Variants in NFS1 observed in about 807,000 individuals in gnomAD.
NFS1 encodes the protein NFS1 cysteine desulfurase, also known as cysteine desulfurase.
In NFS1, 26 loss-of-function variants were observed where a neutral mutation model predicts 57.3. The observed-to-expected ratio is 0.45, with a 90% CI of 0.33 to 0.63. The LOEUF is 0.63. Ranked by LOEUF, NFS1 falls within the 20% of genes least tolerant of loss-of-function variation. The pLI is 0.02. For synonymous variants in NFS1, 209 were observed against 216.3 expected (o/e 0.97, Z 0.30); for missense variants, 505 against 605.8 (o/e 0.83, Z 1.75).
chr20:35,673,786 C>A (rs2034696032), intron 10 of NFS1, 102 bp from the exon 11 acceptor site: 1 of 849,248 alleles, frequency 1.2e-6, no homozygotes, highest in Non-Finnish European at 1.9e-6. Context: ...TGGAGTCATA[C>A]CCTGGAGAAA....
At chr20:35,695,182 GA>G (rs769134461) in intron 4 of NFS1, among the ~76,000 whole-genome samples, 2 of 152,168 alleles carry the variant, frequency 1.3e-5, no homozygotes, top group Non-Finnish European at 2.9e-5. Context: ...CTCCATTTCA[GA>G]AACCATCTCC....
Position 35,698,609 on chromosome 20 carries a change from G to T in NFS1, c.98-19C>A. ...TCTCCAACTGATAAAAAATGGAACG[G>T]AGTAGCCAAGTAAGACCGAAGGCAA... On this transcript the variant is annotated intron_variant, in intron 1 of 12. Coordinates refer to ENST00000374092, the MANE Select transcript of NFS1 (RefSeq NM_021100.5). 6.3e-7 allele frequency: 1 copy of T among 1,582,062 alleles called. No individual in the cohort carries two copies. The highest frequency in any genetic ancestry group is 8.6e-7 in the Non-Finnish European group (1 of 1,167,132).
At chr20:35,694,544 T>A (rs1400258323) in intron 4 of NFS1, 1 of 152,220 alleles carries the variant, frequency 6.6e-6, no homozygotes, top group Non-Finnish European at 1.5e-5. Context: ...GGTCTGTTCA[T>A]GAGGACAAAG....
chr20:35,693,981 A>T (rs763347140), intron 4 of NFS1, among the ~76,000 whole-genome samples: 3 of 151,996 alleles, frequency 2.0e-5, no homozygotes, highest in Non-Finnish European at 4.4e-5. Flanking sequence ...TAAATAAATA[A>T]ATTAAAATAA....
At chr20:35,696,083 C>T (rs928356532) in intron 4 of NFS1, among the ~76,000 whole-genome samples, 1 of 151,856 alleles carries the variant, frequency 6.6e-6, no homozygotes, top group Admixed American at 6.6e-5. Context: ...CACCATTATC[C>T]ACTCTCTGAA....
intron 11 of NFS1, 51 bp downstream of exon 11, chr20:35,673,550 G>T: frequency 6.6e-7 from 1 of 1,505,810 alleles, no homozygotes; most frequent in South Asian, 1.2e-5. Flanking sequence ...AACAGGAGAT[G>T]AAAAATATAA....
Position 35,675,176 on chromosome 20 carries a change from G to A in NFS1, c.817C>T (p.Arg273Trp), listed in dbSNP as rs200454792. The A allele has an allele frequency of 1.2e-5, 19 of 1,613,432 alleles. No homozygotes were observed. The highest frequency in any genetic ancestry group is 1.7e-4 in the Middle Eastern group (1 of 6,060). Reference protein sequence around the residue: ...KGVGAIYIRRRPRVRVEALQS... With the variant: ...KGVGAIYIRRWPRVRVEALQS... The stretch of plus-strand genomic sequence containing the variant: ...AGGGCCTCCACACGCACACGGGGCC[G>A]GCGACGGATGTAGATGGCACCAACC... Residue 273 changes from arginine (R) to tryptophan (W), a missense_variant, in exon 8 of 13, where the codon CGG becomes TGG. Arg to Trp is a moderately radical substitution (Grantham distance 101). Coordinates refer to ENST00000374092, the MANE Select transcript of NFS1 (RefSeq NM_021100.5).
chr20:35,676,323 C>A (rs2034742770), intron 7 of NFS1: 1 of 151,944 alleles, frequency 6.6e-6, no homozygotes, highest in Admixed American at 6.6e-5. Flanking sequence ...CACGGTGGCT[C>A]ACACCTGTAA....
intron 4 of NFS1, among the ~76,000 whole-genome samples, chr20:35,690,998 G>C (rs2035031585): frequency 6.6e-6 from 1 of 152,292 alleles, no homozygotes; most frequent in African/African-American, 2.4e-5. Flanking sequence ...GTCATCAATT[G>C]CAACAAATGT....
chr20:35,692,527 T>TAAAAAAA (rs61052129), intron 4 of NFS1, among the ~76,000 whole-genome samples: 2 of 42,740 alleles, frequency 4.7e-5, no homozygotes, highest in African/African-American at 1.5e-4. Context: ...TCATCTATAC[T>TAAAAAAA]AAAAAAAAAA....
intron 5 of NFS1, among the ~76,000 whole-genome samples, chr20:35,685,867 A>C (rs2034931579): frequency 7.0e-6 from 1 of 143,526 alleles, no homozygotes; most frequent in East Asian, 2.0e-4. Flanking sequence ...CCCCCCCGCA[A>C]AAAAAAAAAA....
intron 5 of NFS1, among the ~76,000 whole-genome samples, chr20:35,687,928 C>T (rs1393687066): frequency 6.6e-6 from 1 of 151,994 alleles, no homozygotes; most frequent in African/African-American, 2.4e-5. Context: ...TGAGATGTTG[C>T]CTCTATAAAA....
At chr20:35,685,802 G>A (rs1433635530) in intron 5 of NFS1, among the ~76,000 whole-genome samples, 3 of 143,050 alleles carry the variant, frequency 2.1e-5, no homozygotes, top group Non-Finnish European at 4.5e-5. Context: ...AGGTTGCGAT[G>A]AGCTGAGATC....
chr20:35,675,480 T>C (rs903483877), intron 7 of NFS1: 1 of 443,020 alleles, frequency 2.3e-6, no homozygotes, highest in Non-Finnish European at 4.0e-6. Context: ...TACAGTATTA[T>C]TCATAATAGC....
Position 35,675,203 on chromosome 20 carries a change from CT to C in NFS1, c.791-2del. On this transcript the variant is annotated splice_acceptor_variant, in intron 7 of 12. Coordinates refer to ENST00000374092, the MANE Select transcript of NFS1 (RefSeq NM_021100.5). LOFTEE classifies it high-confidence loss of function. ...CGACGGATGTAGATGGCACCAACCC[CT>C]GGGAAACAAAATTTGTTACAAAAAA... 1 of 1,586,644 alleles carries C rather than the reference CT, an allele frequency of 6.3e-7. No homozygotes were observed. Among genetic ancestry groups the C allele is most frequent in the Non-Finnish European group, 8.6e-7 (1 of 1,164,976 alleles).
At chr20:35,680,927 G>T in intron 6 of NFS1, 56 bp from the exon 7 acceptor site, 1 of 1,381,594 alleles carries the variant, frequency 7.2e-7, no homozygotes, top group Non-Finnish European at 9.5e-7. Flanking sequence ...ATCTGTCAGA[G>T]TCCCACAGTG....
intron 6 of NFS1, among the ~76,000 whole-genome samples, 181 bp from the exon 7 acceptor site, chr20:35,681,052 CCTCT>C (rs1341788878): frequency 6.6e-6 from 1 of 151,860 alleles, no homozygotes; most frequent in Non-Finnish European, 1.5e-5. Context: ...CCCCTTCCTC[CCTCT>C]CTGTGTCTCA....
intron 7 of NFS1, chr20:35,675,526 G>A (rs1290296606): frequency 6.4e-6 from 2 of 313,910 alleles, no homozygotes; most frequent in South Asian, 3.8e-5. Flanking sequence ...TCCATCATCA[G>A]GGTAATGGTC....
chr20:35,673,564 G>C lies in NFS1; in HGVS notation c.1220+37C>G, dbSNP rs200165035. 263 of 1,543,228 alleles carry C rather than the reference G, an allele frequency of 1.7e-4. 1 individual carries two copies. In the East Asian group the frequency reaches 5.1e-3, roughly 30 times the overall value. ...TAACAGGAGATGAAAAATATAAGAG[G>C]ATGCCTTTCATAAATGTTGCAGCTC... is the stretch of plus-strand genomic sequence containing the variant. On this transcript the variant is annotated intron_variant, in intron 11 of 12. Coordinates refer to ENST00000374092, the MANE Select transcript of NFS1 (RefSeq NM_021100.5).
Sources: gnomAD v4.1 joint callset for allele counts (sites outside exome capture counted in the v4.1 genomes callset) on GRCh38, gnomAD v4.1.1 for gene constraint, MANE v1.5 for transcripts, NCBI Gene and HGNC (gene_info 2026-07-23, HGNC 2026-07-21) for gene names.